DAAM1: variants seen among roughly 807,000 people sequenced by gnomAD.
DAAM1 encodes the protein disheveled-associated activator of morphogenesis 1.
In DAAM1, 52 loss-of-function variants were observed where a neutral mutation model predicts 130.0. That is an observed-to-expected ratio of 0.40 (90% CI 0.32 to 0.50). The LOEUF (loss-of-function observed/expected upper bound fraction) is 0.50, where lower values mean the gene tolerates loss of function less well. Ranked by LOEUF, DAAM1 falls within the 20% of genes least tolerant of loss-of-function variation. DAAM1 has a pLI of 0.61. For missense variants in DAAM1, 1,134 were observed against 1,303.8 expected (o/e 0.87, Z 2.01); for synonymous variants, 452 against 444.5 (o/e 1.02, Z -0.21).
At chr14:59,301,861 T>C (rs1464509259) in intron 3 of DAAM1, among the ~76,000 whole-genome samples, 1 of 152,222 alleles carries the variant, frequency 6.6e-6, no homozygotes, top group Non-Finnish European at 1.5e-5. Context: ...GGTTTGTTGA[T>C]TCCTTAGCCT....
At chr14:59,274,711 A>T (rs1038909822) in intron 2 of DAAM1, among the ~76,000 whole-genome samples, 3 of 152,176 alleles carry the variant, frequency 2.0e-5, no homozygotes, top group Non-Finnish European at 4.4e-5. Context: ...ATCCTGCAGC[A>T]GTTGGGTTTG....
At chr14:59,338,280 C>T (rs1380385640) in intron 15 of DAAM1, 2 of 1,129,058 alleles carry the variant, frequency 1.8e-6, no homozygotes, top group East Asian at 2.4e-5. Context: ...TCTTACCCTA[C>T]ATCACTTGTT....
intron 22 of DAAM1, 27 bp downstream of exon 22, chr14:59,360,889 AT>A (rs1212710405): frequency 6.2e-7 from 1 of 1,608,886 alleles, no homozygotes; most frequent in Non-Finnish European, 8.5e-7. Flanking sequence ...TGTTGTTCTA[AT>A]TCCTGGTCTC....
intron 3 of DAAM1, among the ~76,000 whole-genome samples, chr14:59,293,068 G>A (rs1566688221): frequency 6.6e-6 from 1 of 152,190 alleles, no homozygotes; most frequent in Non-Finnish European, 1.5e-5. Flanking sequence ...CTAGAACCGA[G>A]AAAGAGAAAT....
intron 1 of DAAM1, among the ~76,000 whole-genome samples, chr14:59,231,980 T>C (rs1382860007): frequency 6.6e-6 from 1 of 152,178 alleles, no homozygotes; most frequent in Non-Finnish European, 1.5e-5. Flanking sequence ...ATACTATTTG[T>C]TGAGAACTTA....
Position 59,228,416 on chromosome 14 carries a change from G to GA in DAAM1, c.-37-35017dup, listed in dbSNP as rs1237907479. Reference sequence around the variant, plus strand: ...CCCTCCTCCGCTCCCCAACTTCCAAGAAAAAAAACTAAAGGAAGGGGAAAT... The same window carrying GA: ...CCCTCCTCCGCTCCCCAACTTCCAAGAAAAAAAAACTAAAGGAAGGGGAAAT... On this transcript the variant is annotated intron_variant, in intron 1 of 24. Transcript: ENST00000360909. Among the ~76,000 whole-genome samples, 4 of 151,718 alleles carry GA rather than the reference G, an allele frequency of 2.6e-5. 1 individual carries two copies. The highest frequency in any genetic ancestry group is 7.2e-5 in the African/African-American group (3 of 41,408).
intron 20 of DAAM1, among the ~76,000 whole-genome samples, chr14:59,358,219 G>A (rs1386132367): frequency 6.6e-6 from 1 of 152,202 alleles, no homozygotes; most frequent in African/African-American, 2.4e-5. Context: ...GGCATCTGGA[G>A]TCCAGGTGAT....
At chr14:59,320,306 T>C (rs1318592204) in intron 4 of DAAM1, among the ~76,000 whole-genome samples, 184 bp from the exon 5 acceptor site, 2 of 152,232 alleles carry the variant, frequency 1.3e-5, no homozygotes, top group East Asian at 3.8e-4. Context: ...CAACGTCATC[T>C]CTACGAAGAT....
At chr14:59,243,195 A>G (rs915716510) in intron 1 of DAAM1, among the ~76,000 whole-genome samples, 3 of 152,194 alleles carry the variant, frequency 2.0e-5, no homozygotes, top group Non-Finnish European at 4.4e-5. Context: ...AGGGAAATTC[A>G]GAGTCCAGGC....
intron 5 of DAAM1, among the ~76,000 whole-genome samples, chr14:59,322,480 C>A (rs1885048327): frequency 6.8e-6 from 1 of 146,206 alleles, no homozygotes; most frequent in Admixed American, 7.0e-5. Context: ...TATGACAGAG[C>A]AAGACCCTGT....
intron 2 of DAAM1, among the ~76,000 whole-genome samples, chr14:59,286,829 T>C (rs531256861): frequency 1.3e-5 from 2 of 152,220 alleles, no homozygotes; most frequent in African/African-American, 4.8e-5. Flanking sequence ...CTGGACTAGA[T>C]AGATTCACAG....
At chr14:59,275,126 G>C (rs1254850521) in intron 2 of DAAM1, among the ~76,000 whole-genome samples, 1 of 152,174 alleles carries the variant, frequency 6.6e-6, no homozygotes, top group Non-Finnish European at 1.5e-5. Flanking sequence ...TGTGGAACTT[G>C]GCTTCATGGT....
In DAAM1 at chr14:59,340,178, G is replaced by A. The variant is rs1298627728; in HGVS notation, c.2073G>A (p.Ser691=). The change falls in exon 16 of 25, where the codon TCG becomes TCA. Residue 691 remains serine, a splice_region_variant and synonymous_variant. Coordinates refer to ENST00000360909, the MANE Select transcript of DAAM1 (RefSeq NM_001270520.2). ...CTCAGAATTGCAACATCCTTCTATCGAGGTATTGTTGATGTTGAATAAACA... is the reference window on the plus strand; with the variant it reads ...CTCAGAATTGCAACATCCTTCTATCAAGGTATTGTTGATGTTGAATAAACA... The part of the protein sequence containing the change: ...RRAQNCNILL[S]RLKLSNDEIK... The A allele has an allele frequency of 8.1e-6, 13 of 1,612,506 alleles. No individual in the cohort carries two copies. The East Asian group carries it at 8.9e-5, about 11-fold the overall frequency.
intron 1 of DAAM1, among the ~76,000 whole-genome samples, chr14:59,217,796 CTCTG>C (rs767028871): frequency 2.6e-5 from 4 of 151,884 alleles, no homozygotes; most frequent in Admixed American, 6.6e-5. Context: ...TATGGTGAAA[CTCTG>C]TCTGTACTAA....
intron 3 of DAAM1, among the ~76,000 whole-genome samples, chr14:59,305,791 G>C (rs1024519326): frequency 6.6e-6 from 1 of 152,130 alleles, no homozygotes; most frequent in Non-Finnish European, 1.5e-5. Flanking sequence ...CTCTTTTCTT[G>C]CTTTTCTTGC....
Position 59,331,054 on chromosome 14 carries a change from C to T in DAAM1, c.1561-155C>T, listed in dbSNP as rs770653178. ...TGATGCACTGGAGTCCATAAAGGCC[C>T]AAAAGAGTCCATTCGACTTTACCGA... On this transcript the variant is annotated intron_variant, in intron 13 of 24. Coordinates refer to ENST00000360909, the MANE Select transcript of DAAM1 (RefSeq NM_001270520.2). Among the ~76,000 whole-genome samples the T allele has an allele frequency of 9.9e-5, 15 of 152,222 alleles. No homozygotes were observed. The East Asian group carries it at 1.7e-3, about 18-fold the overall frequency.
chr14:59,364,106 T>C (rs937226243), intron 23 of DAAM1, among the ~76,000 whole-genome samples: 3 of 152,154 alleles, frequency 2.0e-5, no homozygotes. Context: ...TGAAACTGGC[T>C]TGAAGTACTT....
Position 59,368,677 on chromosome 14 carries a change from A to G in DAAM1, c.3025A>G (p.Lys1009Glu). 6.2e-7 allele frequency: 1 copy of G among 1,613,630 alleles called. No homozygotes were observed. The highest frequency in any genetic ancestry group is 8.5e-7 in the Non-Finnish European group (1 of 1,179,694). The change falls in exon 25 of 25, where the codon AAA becomes GAA. Residue 1009 changes from lysine (K) to glutamate (E), a missense_variant. Lys to Glu is a moderately conservative substitution (Grantham distance 56). Coordinates refer to ENST00000360909, the MANE Select transcript of DAAM1 (RefSeq NM_001270520.2). ...QLKEQRERER[K>E]MRKAKENSEE... ...CAAAGAACAACGTGAAAGGGAACGT[A>G]AAATGAGAAAAGCTAAAGAGAATAG... is the stretch of plus-strand genomic sequence containing the variant.
At position 59,359,377 on chromosome 14, in the gene DAAM1, C is replaced by A; in HGVS notation, c.2526-20C>A. ...GAAAATAATTTGAATGTTTAATACT[C>A]TTCCCTTCTTCAATTGTAGAAACAT... On this transcript the variant is annotated intron_variant, in intron 20 of 24. Coordinates refer to ENST00000360909, the MANE Select transcript of DAAM1 (RefSeq NM_001270520.2). 1 of 1,538,024 alleles carries A rather than the reference C, an allele frequency of 6.5e-7. No individual in the cohort carries two copies. Among genetic ancestry groups the A allele is most frequent in the Non-Finnish European group, 9.0e-7 (1 of 1,112,794 alleles).
Sources: gnomAD v4.1 joint callset for allele counts (sites outside exome capture counted in the v4.1 genomes callset) on GRCh38, gnomAD v4.1.1 for gene constraint, MANE v1.5 for transcripts, NCBI Gene and HGNC (gene_info 2026-07-23, HGNC 2026-07-21) for gene names.